PRKAG2: variants seen among roughly 807,000 people sequenced by gnomAD.
PRKAG2 encodes the protein protein kinase AMP-activated non-catalytic subunit gamma 2.
Under a neutral mutation model 69.6 loss-of-function variants are expected in PRKAG2, and 26 were observed. The ratio of observed to expected loss-of-function variants is 0.37; its 90% CI spans 0.27 to 0.52. The LOEUF (loss-of-function observed/expected upper bound fraction) is 0.52. PRKAG2 is among the 20% of genes least tolerant of loss of function. The pLI is 0.90. For missense variants in PRKAG2, 557 were observed against 740.0 expected (o/e 0.75, Z 2.87); for synonymous variants, 293 against 285.0 (o/e 1.03, Z -0.28).
At chr7:151,669,682 C>T (rs1831536815) in intron 4 of PRKAG2, among the ~76,000 whole-genome samples, 1 of 143,812 alleles carries the variant, frequency 7.0e-6, no homozygotes, top group Admixed American at 7.3e-5. Context: ...CTTTGGGCAC[C>T]TCGACTTAAA....
chr7:151,750,924 G>C (rs1042423966), intron 3 of PRKAG2, among the ~76,000 whole-genome samples: 1 of 151,512 alleles, frequency 6.6e-6, no homozygotes, highest in African/African-American at 2.4e-5. Flanking sequence ...CATATTATAT[G>C]CATTTTACCA....
intron 1 of PRKAG2, among the ~76,000 whole-genome samples, chr7:151,860,687 A>G (rs1314597214): frequency 6.6e-6 from 1 of 152,132 alleles, no homozygotes; most frequent in Non-Finnish European, 1.5e-5. Flanking sequence ...TGAGTTCCCC[A>G]TTAGACAGCA....
intron 3 of PRKAG2, among the ~76,000 whole-genome samples, chr7:151,738,267 C>T (rs79976476): frequency 3.9e-5 from 2 of 51,390 alleles, no homozygotes; most frequent in African/African-American, 1.4e-4. Context: ...CAGAGATGCC[C>T]AGATCTGCCA....
intron 3 of PRKAG2, among the ~76,000 whole-genome samples, chr7:151,744,581 C>T (rs2151720820): frequency 6.6e-6 from 1 of 152,342 alleles, no homozygotes; most frequent in African/African-American, 2.4e-5. Context: ...TGAAAAGACC[C>T]CAAGCTTTCC....
intron 3 of PRKAG2, among the ~76,000 whole-genome samples, chr7:151,706,305 T>C (rs1402513161): frequency 6.6e-6 from 1 of 152,160 alleles, no homozygotes; most frequent in African/African-American, 2.4e-5. Context: ...TCCTAGGTGG[T>C]AATGACTAGT....
chr7:151,720,236 G>A (rs1325052744), intron 3 of PRKAG2, among the ~76,000 whole-genome samples: 2 of 152,158 alleles, frequency 1.3e-5, no homozygotes, highest in Non-Finnish European at 2.9e-5. Context: ...TGGAAGCCCA[G>A]ATGGACACAG....
Position 151,777,980 on chromosome 7 carries a change from A to T in PRKAG2, c.466+3172T>A, listed in dbSNP as rs1202132896. ...GCAACTTCCCCAGTTGCTCCTGTAG[A>T]TAGTATCACTATTTAACACCTAAGA... is the stretch of plus-strand genomic sequence containing the variant. On this transcript the variant is annotated intron_variant, in intron 3 of 15. Transcript: ENST00000287878. This position sits in a 1 kb window ranked among gnomAD's most constrained non-coding sequence, Gnocchi z 4.3. Among the ~76,000 whole-genome samples the T allele has an allele frequency of 6.6e-6, 1 of 152,078 alleles. No homozygotes were observed. Among genetic ancestry groups the T allele is most frequent in the Non-Finnish European group, 1.5e-5 (1 of 68,030 alleles).
Position 151,735,942 on chromosome 7 carries a change from G to A in PRKAG2, c.466+45210C>T, listed in dbSNP as rs1373282143. 14 of 1,536,226 alleles carry A rather than the reference G, an allele frequency of 9.1e-6. No individual in the cohort carries two copies. In the East Asian group the frequency reaches 9.8e-5, roughly 11 times the overall value. Reference sequence around the variant, plus strand: ...TCCGACTGGCGCCTCTCCGTGCTTCGATTTTGGTCCTTGTGTTTCTTGTTG... The same window carrying A: ...TCCGACTGGCGCCTCTCCGTGCTTCAATTTTGGTCCTTGTGTTTCTTGTTG... On this transcript the variant is annotated intron_variant, in intron 3 of 15. Coordinates refer to ENST00000287878, the MANE Select transcript of PRKAG2 (RefSeq NM_016203.4).
At position 151,814,920 on chromosome 7, in the gene PRKAG2, T is replaced by G; in HGVS notation, c.115-28379A>C. ...GGAGGGAGGGCTGGACCGGAGCTTT[T>G]AAAAAGACAGGCAGCAGGATGGAGG... On this transcript the variant is annotated intron_variant, in intron 1 of 15. Coordinates refer to ENST00000287878, the MANE Select transcript of PRKAG2 (RefSeq NM_016203.4). This position sits in a 1 kb window ranked among gnomAD's most constrained non-coding sequence, Gnocchi z 4.8. 1 of 1,211,594 alleles carries G rather than the reference T, an allele frequency of 8.3e-7. No homozygotes were observed. The highest frequency in any genetic ancestry group is 1.0e-6 in the Non-Finnish European group (1 of 970,182). 75.1% of individuals were successfully genotyped at this position (1,211,594 alleles called of 1,614,324 possible). A position where few individuals can be genotyped will look rare whatever the true frequency, so the allele number is the denominator to read the frequency against.
At chr7:151,827,932 G>A (rs75252123) in intron 1 of PRKAG2, among the ~76,000 whole-genome samples, 27,725 of 152,042 alleles carry the variant, frequency 0.18, 3,104 homozygotes, top group Middle Eastern at 0.28. Flanking sequence ...CAGCTTCGCA[G>A]CAGATGCCAT....
chr7:151,677,249 T>A (rs1263344899), intron 3 of PRKAG2, among the ~76,000 whole-genome samples: 1 of 152,126 alleles, frequency 6.6e-6, no homozygotes, highest in Non-Finnish European at 1.5e-5. Flanking sequence ...TGCTGTGGTG[T>A]GATCTCAGCT....
intron 3 of PRKAG2, among the ~76,000 whole-genome samples, chr7:151,693,070 C>A (rs920862566): frequency 6.6e-5 from 10 of 152,236 alleles, no homozygotes; most frequent in Non-Finnish European, 1.2e-4. Context: ...GGAGATCCCA[C>A]TCCTTCACCC....
rs1268857269 is a variant in PRKAG2 at position 151,814,309 on chromosome 7, C to T, written c.115-27768G>A. On this transcript the variant is annotated intron_variant, in intron 1 of 15. Transcript: ENST00000287878. The surrounding 1 kb of genome is among the most constrained non-coding windows in gnomAD (Gnocchi z 4.8). ...GGAGAACAAAGCCACAATTCAGCAT[C>T]AGTCTTACACACCAAGGAGACAAAG... 5 of 757,040 alleles carry T rather than the reference C, an allele frequency of 6.6e-6. No individual in the cohort carries two copies. In the East Asian group the frequency reaches 1.5e-4, roughly 22 times the overall value. The allele number at this position is 757,040 out of a possible 1,614,324, so 46.9% of individuals were successfully genotyped here.
intron 3 of PRKAG2, among the ~76,000 whole-genome samples, chr7:151,717,249 A>G (rs1231126537): frequency 6.7e-6 from 1 of 150,010 alleles, no homozygotes; most frequent in Middle Eastern, 3.4e-3. Flanking sequence ...CCCATGTCAA[A>G]AAGAAAAAAA....
rs546720663 is a variant in PRKAG2 at position 151,642,260 on chromosome 7, G to A, written c.685-10122C>T. On this transcript the variant is annotated intron_variant, in intron 4 of 15. Transcript: ENST00000287878. ...CAGGAGGCTGAGGCAGGAGAATGGT[G>A]TGAACATGGGAAGCAGAGCTTGCAG... Among the ~76,000 whole-genome samples, 35 of 152,022 alleles carry A rather than the reference G, an allele frequency of 2.3e-4. 1 individual carries two copies. Among genetic ancestry groups the A allele is most frequent in the Non-Finnish European group, 4.4e-4 (30 of 68,000 alleles).
rs75061528 is a variant in PRKAG2 at position 151,745,153 on chromosome 7, C to T, written c.466+35999G>A. Among the ~76,000 whole-genome samples, 1,060 of 152,224 alleles carry T rather than the reference C, an allele frequency of 7.0e-3. 9 individuals are homozygous for T. The highest frequency in any genetic ancestry group is 0.019 in the African/African-American group (801 of 41,538). On this transcript the variant is annotated intron_variant, in intron 3 of 15. Transcript: ENST00000287878. ...GAGGATGCACTACTCAAAAACTTCC[C>T]GCTCATCCTGAACCTTTGCGGATCA...
At position 151,615,392 on chromosome 7, in the gene PRKAG2, C is replaced by T. The variant is rs58314929; in HGVS notation, c.754+16677G>A. ...ATTTATATTCCTTTGGGTATCCACC[C>T]GGTAATGGGATTGCTAGGTCAAATG... On this transcript the variant is annotated intron_variant, in intron 5 of 15. Transcript: ENST00000287878. Among the ~76,000 whole-genome samples the T allele has an allele frequency of 4.3e-3, 650 of 152,178 alleles. 13 individuals are homozygous for T. In the East Asian group the frequency reaches 0.063, roughly 15 times the overall value.
At chr7:151,663,830 T>C (rs1830660973) in intron 4 of PRKAG2, among the ~76,000 whole-genome samples, 1 of 152,222 alleles carries the variant, frequency 6.6e-6, no homozygotes, top group South Asian at 2.1e-4. Flanking sequence ...GCATTGGATG[T>C]TCCAACAAGC....
intron 1 of PRKAG2, among the ~76,000 whole-genome samples, chr7:151,871,385 G>T (rs1052238374): frequency 5.9e-5 from 9 of 152,220 alleles, no homozygotes; most frequent in African/African-American, 2.2e-4. Flanking sequence ...CCAGGACTCT[G>T]ACCTCTACGG....
Sources: allele counts gnomAD v4.1 joint callset (sites outside exome capture counted in the v4.1 genomes callset), GRCh38; gene constraint gnomAD v4.1.1; non-coding constraint Gnocchi (gnomAD v3.1); transcripts MANE v1.5; gene names NCBI Gene and HGNC (gene_info 2026-07-23, HGNC 2026-07-21).